The following GRID2 variants were observed in gnomAD, a reference collection of about 807,000 sequenced individuals.
GRID2 encodes the protein glutamate ionotropic receptor delta type subunit 2, also known as glutamate receptor ionotropic, delta-2.
GRID2 carries 33 observed loss-of-function variants against 114.8 expected under a neutral mutation model. The ratio of observed to expected loss-of-function variants is 0.29; its 90% CI spans 0.22 to 0.38. GRID2 has a LOEUF of 0.38. Ranked by LOEUF, GRID2 falls within the 10% of genes least tolerant of loss-of-function variation. GRID2 has a pLI of 1.00. For missense variants in GRID2, 1,184 were observed against 1,257.7 expected (o/e 0.94, Z 0.89); for synonymous variants, 505 against 449.9 (o/e 1.12, Z -1.55).
At chr4:92,665,218 T>C (rs552204474) in intron 2 of GRID2, among the ~76,000 whole-genome samples, 1 of 150,718 alleles carries the variant, frequency 6.6e-6, no homozygotes, top group East Asian at 1.9e-4. Context: ...GTGGTTACCA[T>C]GGTAATTACA....
At chr4:92,413,635 T>C (rs1731445192) in intron 1 of GRID2, among the ~76,000 whole-genome samples, 2 of 152,138 alleles carry the variant, frequency 1.3e-5, no homozygotes, top group Admixed American at 1.3e-4. Flanking sequence ...TTGGGAAGGA[T>C]TCCAAAAGGA....
At chr4:92,994,280 C>G (rs1161176576) in intron 2 of GRID2, among the ~76,000 whole-genome samples, 1 of 152,136 alleles carries the variant, frequency 6.6e-6, no homozygotes, top group Non-Finnish European at 1.5e-5. Flanking sequence ...ACTCAGTGAT[C>G]TTAATATTAG....
At chr4:93,808,668 A>G (rs1735077397) in exon 2 of GRID2, 1 of 152,172 alleles carries the variant, frequency 6.6e-6, no homozygotes, top group African/African-American at 2.4e-5. Flanking sequence ...ACTGCCATAG[A>G]GACATTCCAC....
intron 14 of GRID2, among the ~76,000 whole-genome samples, chr4:93,725,990 A>G (rs1393243152): frequency 6.6e-6 from 1 of 152,176 alleles, no homozygotes; most frequent in Non-Finnish European, 1.5e-5. Flanking sequence ...TAGTTTAATT[A>G]GATCCCATTT....
intron 2 of GRID2, among the ~76,000 whole-genome samples, chr4:92,889,849 C>G (rs1484397573): frequency 1.3e-5 from 2 of 152,142 alleles, no homozygotes; most frequent in Non-Finnish European, 2.9e-5. Context: ...AGGCATTGCA[C>G]TATCTAACTT....
intron 13 of GRID2, among the ~76,000 whole-genome samples, chr4:93,533,474 A>G (rs922739646): frequency 1.4e-4 from 21 of 150,808 alleles, no homozygotes; most frequent in South Asian, 8.4e-4. Flanking sequence ...CCTGAGTTAA[A>G]GTGATTCTCC....
At chr4:92,332,688 T>C (rs903481692) in intron 1 of GRID2, among the ~76,000 whole-genome samples, 34 of 152,216 alleles carry the variant, frequency 2.2e-4, no homozygotes, top group African/African-American at 8.2e-4. Flanking sequence ...AGTTATGTGC[T>C]TCCAAAATAC....
chr4:92,799,369 G>A (rs1410383950), intron 2 of GRID2, among the ~76,000 whole-genome samples: 2 of 151,990 alleles, frequency 1.3e-5, no homozygotes. Context: ...GTGGGGCCCT[G>A]TTCCTAACAG....
intron 2 of GRID2, among the ~76,000 whole-genome samples, chr4:93,003,704 G>T (rs563873674): frequency 1.3e-5 from 2 of 152,056 alleles, no homozygotes; most frequent in East Asian, 3.9e-4. Flanking sequence ...ATAAACAGCT[G>T]TGTCTTTATA....
At chr4:92,680,511 T>C (rs966522243) in intron 2 of GRID2, among the ~76,000 whole-genome samples, 9 of 151,778 alleles carry the variant, frequency 5.9e-5, no homozygotes, top group Non-Finnish European at 1.5e-5. Flanking sequence ...AAACAAGCAG[T>C]AAAAGAAAGG....
Position 92,642,765 on chromosome 4 carries a change from T to G in GRID2, c.244+52479T>G, listed in dbSNP as rs1731420752. Reference sequence around the variant, plus strand: ...GTTGATAAGGAAATTTCCTAGGTTTTCTTCTAGGGTTTTTTATAGTGTGAG... The same window carrying G: ...GTTGATAAGGAAATTTCCTAGGTTTGCTTCTAGGGTTTTTTATAGTGTGAG... On this transcript the variant is annotated intron_variant, in intron 2 of 15. Coordinates refer to ENST00000282020, the MANE Select transcript of GRID2 (RefSeq NM_001510.4). Among the ~76,000 whole-genome samples the G allele has an allele frequency of 2.0e-5, 3 of 152,014 alleles. No homozygotes were observed. The South Asian group carries it at 6.2e-4, about 31-fold the overall frequency.
chr4:93,726,365 C>T (rs1201939978), intron 14 of GRID2, among the ~76,000 whole-genome samples: 1 of 152,132 alleles, frequency 6.6e-6, no homozygotes, highest in East Asian at 1.9e-4. Flanking sequence ...GGTACCAGTA[C>T]CATGCTGTTT....
chr4:92,363,584 G>A (rs1272859239), intron 1 of GRID2, among the ~76,000 whole-genome samples: 5 of 151,828 alleles, frequency 3.3e-5, no homozygotes, highest in South Asian at 4.1e-4. Flanking sequence ...CACAATTTAC[G>A]GTGATTCATT....
At chr4:92,315,517 G>A (rs1311903327) in intron 1 of GRID2, among the ~76,000 whole-genome samples, 2 of 152,050 alleles carry the variant, frequency 1.3e-5, no homozygotes, top group African/African-American at 2.4e-5. Flanking sequence ...GAAATGCTGC[G>A]TGGACTTAAA....
intron 12 of GRID2, among the ~76,000 whole-genome samples, chr4:93,499,470 A>G (rs1727887108): frequency 6.6e-6 from 1 of 151,872 alleles, no homozygotes; most frequent in African/African-American, 2.4e-5. Context: ...AGGGGCACCA[A>G]CAAATTCCTT....
At chr4:92,734,076 T>C (rs1736466674) in intron 2 of GRID2, among the ~76,000 whole-genome samples, 1 of 152,134 alleles carries the variant, frequency 6.6e-6, no homozygotes. Context: ...TTGATTTTTT[T>C]CAAAGGAACA....
rs113391729 is a variant in GRID2 at position 92,376,102 on chromosome 4, T to A, written c.88+71358T>A. Reference sequence around the variant, plus strand: ...ATACTAGGGCAAAATGGGGAAAAAATTATATATATATAAATTTCAACACAG... The same window carrying A: ...ATACTAGGGCAAAATGGGGAAAAAAATATATATATATAAATTTCAACACAG... On this transcript the variant is annotated intron_variant, in intron 1 of 15. Transcript: ENST00000282020. Among the ~76,000 whole-genome samples the A allele has an allele frequency of 1.1e-3, 169 of 151,612 alleles. 1 individual carries two copies. The highest frequency in any genetic ancestry group is 3.8e-3 in the African/African-American group (157 of 41,330).
intron 11 of GRID2, among the ~76,000 whole-genome samples, chr4:93,464,298 A>G (rs1002244313): frequency 2.0e-5 from 3 of 152,160 alleles, no homozygotes; most frequent in Non-Finnish European, 4.4e-5. Flanking sequence ...CCCTTTGTCT[A>G]TGAATATGTA....
chr4:92,704,581 T>G (rs1734847744), intron 2 of GRID2, among the ~76,000 whole-genome samples: 1 of 152,178 alleles, frequency 6.6e-6, no homozygotes, highest in East Asian at 1.9e-4. Flanking sequence ...TCTTTAAAAT[T>G]ATCATAGAAT....
Sources: gnomAD v4.1 joint callset for allele counts (sites outside exome capture counted in the v4.1 genomes callset) on GRCh38, gnomAD v4.1.1 for gene constraint, MANE v1.5 for transcripts, NCBI Gene and HGNC (gene_info 2026-07-23, HGNC 2026-07-21) for gene names.